Variants in CCDC148 observed in about 807,000 individuals in gnomAD.
CCDC148 encodes the protein coiled-coil domain containing 148, also known as coiled-coil domain-containing protein 148.
In CCDC148, 89 loss-of-function variants were observed where a neutral mutation model predicts 85.7. That is an observed-to-expected ratio of 1.04 (90% CI 0.87 to 1.24). The LOEUF (loss-of-function observed/expected upper bound fraction) is 1.24. CCDC148 is among the 50% of genes most tolerant of loss of function. The pLI is 0.00. For missense variants in CCDC148, 692 were observed against 671.7 expected, an observed-to-expected ratio of 1.03 and a Z score of -0.33; for synonymous variants, 230 against 213.9, an observed-to-expected ratio of 1.08 and a Z score of -0.66.
chr2:158,224,606 C>T (rs1340613474), intron 10 of CCDC148, among the ~76,000 whole-genome samples: 1 of 152,194 alleles, frequency 6.6e-6, no homozygotes, highest in Non-Finnish European at 1.5e-5. Context: ...AGCTGATCTC[C>T]TGGCTGAAAC....
intron 1 of CCDC148, among the ~76,000 whole-genome samples, chr2:158,434,325 C>G (rs1687529738): frequency 6.6e-6 from 1 of 152,202 alleles, no homozygotes. Flanking sequence ...ATATGCTGTT[C>G]TGCAGCCTCC....
Position 158,373,858 on chromosome 2 carries a change from C to T in CCDC148, c.26-15288G>A, listed in dbSNP as rs183178180. On this transcript the variant is annotated intron_variant, in intron 1 of 13. Coordinates refer to ENST00000283233, the MANE Select transcript of CCDC148 (RefSeq NM_138803.4). ...TATTTATTAACTTTCCTGTTGTTCA[C>T]GTCTACAATTAGGATATATGCTCCA... 4.0e-3 allele frequency among the ~76,000 whole-genome samples: 605 copies of T among 152,122 alleles called. 7 individuals are homozygous for T. Among genetic ancestry groups the T allele is most frequent in the South Asian group, 0.027 (128 of 4,824 alleles).
intron 13 of CCDC148, among the ~76,000 whole-genome samples, 159 bp downstream of exon 13, chr2:158,176,362 T>A (rs1234510902): frequency 6.6e-6 from 1 of 152,142 alleles, no homozygotes; most frequent in Non-Finnish European, 1.5e-5. Flanking sequence ...TTAAGAATTA[T>A]GTAGTAATTA....
intron 1 of CCDC148, among the ~76,000 whole-genome samples, chr2:158,370,015 G>A (rs928028699): frequency 1.3e-5 from 2 of 152,008 alleles, no homozygotes; most frequent in East Asian, 3.9e-4. Flanking sequence ...GGTTGAAGCC[G>A]ACTTGATCAT....
chr2:158,192,862 G>GAA lies in CCDC148; in HGVS notation c.1371-13868_1371-13867dup, dbSNP rs369190780. Among the ~76,000 whole-genome samples the GAA allele has an allele frequency of 2.3e-3, 305 of 130,838 alleles. 1 individual carries two copies. Among genetic ancestry groups the GAA allele is most frequent in the African/African-American group, 8.0e-3 (301 of 37,406 alleles). 85.8% of individuals were successfully genotyped at this position (130,838 alleles called of 152,430 possible). On this transcript the variant is annotated intron_variant, in intron 11 of 13. Transcript: ENST00000283233. ...GCTTGGCAATCCCATGGTCTAAATA[G>GAA]AAAAAAAAAAAAGGCTATTTTATTT...
intron 7 of CCDC148, among the ~76,000 whole-genome samples, chr2:158,328,893 C>A (rs1254709369): frequency 3.3e-5 from 5 of 151,006 alleles, no homozygotes; most frequent in African/African-American, 1.2e-4. Flanking sequence ...TGTTGGAGTT[C>A]ATTGTAGATT....
chr2:158,317,888 G>C (rs939453878), intron 7 of CCDC148, among the ~76,000 whole-genome samples: 3 of 152,176 alleles, frequency 2.0e-5, no homozygotes, highest in African/African-American at 7.2e-5. Context: ...TAGTGAACCT[G>C]ACCTGAAGAA....
chr2:158,434,111 G>A (rs1687517661), intron 1 of CCDC148, among the ~76,000 whole-genome samples: 1 of 152,212 alleles, frequency 6.6e-6, no homozygotes, highest in Admixed American at 6.5e-5. Context: ...TGACAGCTAT[G>A]AAGAGAGTAG....
At chr2:158,321,084 C>T (rs991612801) in intron 7 of CCDC148, among the ~76,000 whole-genome samples, 1 of 152,042 alleles carries the variant, frequency 6.6e-6, no homozygotes, top group Admixed American at 6.6e-5. Flanking sequence ...AAAAGGCACT[C>T]CACCATATCT....
intron 10 of CCDC148, among the ~76,000 whole-genome samples, chr2:158,233,719 G>A (rs1687965077): frequency 3.9e-5 from 6 of 151,936 alleles, no homozygotes; most frequent in Admixed American, 3.9e-4. Flanking sequence ...TGGGGACCTG[G>A]TACATCTCTA....
chr2:158,277,109 T>C (rs968212970), intron 9 of CCDC148, among the ~76,000 whole-genome samples: 1 of 152,184 alleles, frequency 6.6e-6, no homozygotes, highest in African/African-American at 2.4e-5. Context: ...GGTTTGCAAA[T>C]TAATATTGCA....
chr2:158,392,598 A>G (rs1001958829), intron 1 of CCDC148, among the ~76,000 whole-genome samples: 1 of 131,464 alleles, frequency 7.6e-6, no homozygotes. Context: ...CATTTTGGAT[A>G]AAGGATACTA....
intron 2 of CCDC148, among the ~76,000 whole-genome samples, chr2:158,345,750 G>A (rs1258961797): frequency 6.6e-6 from 1 of 152,074 alleles, no homozygotes; most frequent in Non-Finnish European, 1.5e-5. Context: ...AAAAGATGTG[G>A]TCAAGATTAT....
intron 7 of CCDC148, among the ~76,000 whole-genome samples, chr2:158,331,440 T>A (rs1693111995): frequency 6.6e-6 from 1 of 152,196 alleles, no homozygotes; most frequent in African/African-American, 2.4e-5. Flanking sequence ...CGTGGTCAAT[T>A]TTGGAATAAG....
At chr2:158,387,198 C>A (rs1255546823) in intron 1 of CCDC148, among the ~76,000 whole-genome samples, 1 of 152,018 alleles carries the variant, frequency 6.6e-6, no homozygotes, top group Admixed American at 6.6e-5. Context: ...GCTTTGGGCA[C>A]TAGATGTGTT....
intron 11 of CCDC148, among the ~76,000 whole-genome samples, chr2:158,197,794 G>A (rs543774449): frequency 1.3e-5 from 2 of 151,872 alleles, no homozygotes; most frequent in Non-Finnish European, 2.9e-5. Flanking sequence ...GTTTCTTCCA[G>A]TATCCTGGAA....
chr2:158,190,982 A>G (rs1685396670), intron 11 of CCDC148, among the ~76,000 whole-genome samples: 1 of 152,000 alleles, frequency 6.6e-6, no homozygotes, highest in African/African-American at 2.4e-5. Context: ...AATAAAATAT[A>G]CCACCGTGTT....
At chr2:158,318,796 G>T (rs1692401064) in intron 7 of CCDC148, among the ~76,000 whole-genome samples, 1 of 151,540 alleles carries the variant, frequency 6.6e-6, no homozygotes, top group African/African-American at 2.4e-5. Flanking sequence ...TGGAGACAGG[G>T]TCTCGCTGTG....
chr2:158,382,429 T>C (rs970577429), intron 1 of CCDC148, among the ~76,000 whole-genome samples: 5 of 152,140 alleles, frequency 3.3e-5, no homozygotes, highest in Admixed American at 6.6e-5. Context: ...AAAATGATGC[T>C]TCTAGTCCTG....
Sources: allele counts gnomAD v4.1 joint callset (sites outside exome capture counted in the v4.1 genomes callset), GRCh38; gene constraint gnomAD v4.1.1; transcripts MANE v1.5; gene names NCBI Gene and HGNC (gene_info 2026-07-23, HGNC 2026-07-21).